MCF2L2: variants seen among roughly 807,000 people sequenced by gnomAD.
MCF2L2 encodes MCF.2 cell line derived transforming sequence-like 2.
In MCF2L2, 102 loss-of-function variants were observed where a neutral mutation model predicts 150.2. The ratio of observed to expected loss-of-function variants is 0.68; its 90% CI spans 0.58 to 0.80. The LOEUF (loss-of-function observed/expected upper bound fraction) is 0.80. Ranked by LOEUF, MCF2L2 falls within the 30% of genes least tolerant of loss-of-function variation. The pLI is 0.00. For synonymous variants in MCF2L2, 465 were observed against 491.3 expected (o/e 0.95, Z 0.71); for missense variants, 1,256 against 1,372.8 (o/e 0.91, Z 1.34).
intron 15 of MCF2L2, chr3:183,254,772 C>G (rs1489394922): frequency 6.6e-6 from 1 of 152,302 alleles, no homozygotes; most frequent in East Asian, 1.9e-4. Flanking sequence ...CGGCGAGTTA[C>G]TGGCGGGGGA....
chr3:183,350,851 C>A (rs1427949363), intron 3 of MCF2L2, among the ~76,000 whole-genome samples: 1 of 151,692 alleles, frequency 6.6e-6, no homozygotes, highest in East Asian at 1.9e-4. Context: ...TTACAGTGAG[C>A]CCAGATAGCG....
intron 1 of MCF2L2, among the ~76,000 whole-genome samples, chr3:183,403,344 G>A (rs968698026): frequency 1.3e-5 from 2 of 152,210 alleles, no homozygotes; most frequent in African/African-American, 4.8e-5. Context: ...CACCGTTTGT[G>A]GAAAGAAGTC....
intron 1 of MCF2L2, among the ~76,000 whole-genome samples, chr3:183,412,512 T>C (rs1032804474): frequency 1.4e-4 from 22 of 152,042 alleles, no homozygotes; most frequent in Non-Finnish European, 1.5e-5. Context: ...TTGGCCAACC[T>C]GGTCTCAAAC....
intron 15 of MCF2L2, among the ~76,000 whole-genome samples, chr3:183,259,435 T>C (rs1725383080): frequency 6.6e-6 from 1 of 152,258 alleles, no homozygotes. Context: ...TTTATTCATC[T>C]ACCTTATGAT....
In MCF2L2 at chr3:183,181,717, CTGTGTCT is replaced by C. The variant is rs1721529008; in HGVS notation, c.3017-1565_3017-1559del. 6.6e-6 allele frequency among the ~76,000 whole-genome samples: 1 copy of C among 152,162 alleles called. No individual in the cohort carries two copies. The highest frequency in any genetic ancestry group is 2.1e-4 in the South Asian group (1 of 4,834). ...CCATCCCCTGCATGAATAGGAAGGGCTGTGTCTCCAGGGTCCATGGCCTCTGTGCCCC... is the reference window on the plus strand; with the variant it reads ...CCATCCCCTGCATGAATAGGAAGGGCCCAGGGTCCATGGCCTCTGTGCCCC... On this transcript the variant is annotated intron_variant, in intron 27 of 29. Transcript: ENST00000328913. This position sits in a 1 kb window ranked among gnomAD's most constrained non-coding sequence, Gnocchi z 4.3.
At chr3:183,294,686 T>G (rs568887102) in intron 13 of MCF2L2, among the ~76,000 whole-genome samples, 1 of 149,576 alleles carries the variant, frequency 6.7e-6, no homozygotes, top group African/African-American at 2.5e-5. Flanking sequence ...TGGAGTGCAG[T>G]GGCGCCATCT....
chr3:183,271,060 C>CCT, intron 15 of MCF2L2: 1 of 864,982 alleles, frequency 1.2e-6, no homozygotes, highest in Non-Finnish European at 1.7e-6. Flanking sequence ...AAGCCTAGTC[C>CCT]ATCAGAATGT....
At chr3:183,314,926 T>TCC in intron 7 of MCF2L2, among the ~76,000 whole-genome samples, 1 of 92,352 alleles carries the variant, frequency 1.1e-5, no homozygotes, top group African/African-American at 5.2e-5. Flanking sequence ...TTTTTTTTTT[T>TCC]TTTTTTTTTT....
intron 13 of MCF2L2, among the ~76,000 whole-genome samples, chr3:183,289,946 GC>G (rs1728027687): frequency 6.6e-6 from 1 of 152,194 alleles, no homozygotes; most frequent in Non-Finnish European, 1.5e-5. Context: ...ATGCACTGCT[GC>G]TTTGGCATGC....
At chr3:183,297,352 C>T in intron 11 of MCF2L2, 185 bp from the exon 12 acceptor site, 2 of 569,284 alleles carry the variant, frequency 3.5e-6, no homozygotes, top group Non-Finnish European at 6.2e-6. Flanking sequence ...GGGACAAACC[C>T]AAACCAGCTG....
rs745325444 is a variant in MCF2L2, at chr3:183,270,650, G to C, written c.1862+6222C>G. 16 of 1,614,020 alleles carry C rather than the reference G, an allele frequency of 9.9e-6. No homozygotes were observed. The highest frequency in any genetic ancestry group is 1.1e-5 in the Non-Finnish European group (13 of 1,180,044). On this transcript the variant is annotated intron_variant, in intron 15 of 29. Transcript: ENST00000328913. The surrounding 1 kb of genome is among the most constrained non-coding windows in gnomAD (Gnocchi z 4.5). Reference sequence around the variant, plus strand: ...ATTCAAGTCTTTACATAGACGATGTGTTCATGGGCCTCTGTGCCAATAAAA... The same window carrying C: ...ATTCAAGTCTTTACATAGACGATGTCTTCATGGGCCTCTGTGCCAATAAAA...
chr3:183,283,655 G>A lies in MCF2L2; in HGVS notation c.1776+5465C>T, dbSNP rs1241258427. ...TCCTGCCTCAGCCTCCTGAGTAGCT[G>A]GGATTACAGGTGCCCGCCACCATGC... On this transcript the variant is annotated intron_variant, in intron 14 of 29. Transcript: ENST00000328913. This position sits in a 1 kb window ranked among gnomAD's most constrained non-coding sequence, Gnocchi z 4.2. 1.3e-5 allele frequency among the ~76,000 whole-genome samples: 2 copies of A among 151,970 alleles called. No individual in the cohort carries two copies. The highest frequency in any genetic ancestry group is 4.8e-5 in the African/African-American group (2 of 41,382).
intron 15 of MCF2L2, among the ~76,000 whole-genome samples, chr3:183,235,578 A>C (rs1723788282): frequency 1.3e-5 from 1 of 78,458 alleles, no homozygotes; most frequent in Non-Finnish European, 2.2e-5. Context: ...GTTTGAGTTC[A>C]TTGTAGATTC....
At chr3:183,188,399 C>T (rs1394436967) in intron 27 of MCF2L2, among the ~76,000 whole-genome samples, 1 of 152,198 alleles carries the variant, frequency 6.6e-6, no homozygotes, top group Non-Finnish European at 1.5e-5. Flanking sequence ...TGGGCAAGGT[C>T]ACAACTCATT....
chr3:183,254,022 C>T (rs1266604764), intron 15 of MCF2L2: 1 of 152,142 alleles, frequency 6.6e-6, no homozygotes. Context: ...CCCTGGGTCT[C>T]CAGCGCGGGC....
chr3:183,209,315 AATGTT>A (rs1434097149), intron 22 of MCF2L2, among the ~76,000 whole-genome samples: 2 of 152,314 alleles, frequency 1.3e-5, no homozygotes, highest in Admixed American at 1.3e-4. Flanking sequence ...CACATAAACA[AATGTT>A]ATCAGCACAG....
intron 3 of MCF2L2, among the ~76,000 whole-genome samples, chr3:183,354,157 A>G (rs973416210): frequency 6.6e-6 from 1 of 152,194 alleles, no homozygotes; most frequent in Non-Finnish European, 1.5e-5. Context: ...AACACAACAG[A>G]TTCTTTATAG....
intron 1 of MCF2L2, among the ~76,000 whole-genome samples, chr3:183,420,783 C>T (rs1310591747): frequency 1.3e-5 from 2 of 152,100 alleles, no homozygotes; most frequent in Non-Finnish European, 2.9e-5. Flanking sequence ...GGGGAATCTG[C>T]CACTTTTAAA....
intron 5 of MCF2L2, among the ~76,000 whole-genome samples, chr3:183,337,248 G>A (rs570215945): frequency 2.6e-5 from 4 of 152,170 alleles, no homozygotes; most frequent in African/African-American, 9.6e-5. Context: ...TGGGTCATAG[G>A]TTAGGTGTAT....
Sources: gnomAD v4.1 joint callset for allele counts (sites outside exome capture counted in the v4.1 genomes callset) on GRCh38, gnomAD v4.1.1 for gene constraint, Gnocchi (gnomAD v3.1) non-coding constraint, MANE v1.5 for transcripts, NCBI Gene and HGNC (gene_info 2026-07-23, HGNC 2026-07-21) for gene names.